LAMA2: variants seen among roughly 807,000 people sequenced by gnomAD.
LAMA2 encodes the protein laminin subunit alpha 2.
A neutral mutation model predicts 364.8 loss-of-function variants in LAMA2; 269 were observed. The ratio of observed to expected loss-of-function variants is 0.74; its 90% CI spans 0.67 to 0.82. The LOEUF (loss-of-function observed/expected upper bound fraction) is 0.82. Ranked by LOEUF, LAMA2 falls within the 40% of genes least tolerant of loss-of-function variation. The pLI is 0.00. For missense variants in LAMA2, 3,807 were observed against 3,873.2 expected, an observed-to-expected ratio of 0.98 and a Z score of 0.45; for synonymous variants, 1,379 against 1,370.6, an observed-to-expected ratio of 1.01 and a Z score of -0.14.
intron 1 of LAMA2, among the ~76,000 whole-genome samples, chr6:128,933,242 G>C (rs933319907): frequency 2.1e-5 from 3 of 144,386 alleles, no homozygotes; most frequent in Admixed American, 6.7e-5. Flanking sequence ...GTGTGTGTGT[G>C]TGTGTGTGTG....
At chr6:129,334,741 G>C (rs1009417351) in intron 29 of LAMA2, among the ~76,000 whole-genome samples, 3 of 152,126 alleles carry the variant, frequency 2.0e-5, no homozygotes, top group Non-Finnish European at 2.9e-5. Flanking sequence ...TCTGGGGAAG[G>C]CTTCTTTCCT....
chr6:129,331,837 A>G (rs1343510840), intron 29 of LAMA2, among the ~76,000 whole-genome samples: 1 of 152,142 alleles, frequency 6.6e-6, no homozygotes, highest in Non-Finnish European at 1.5e-5. Flanking sequence ...ACTGGATTCA[A>G]TGGCTAATCT....
At chr6:129,493,859 ACT>A (rs1785012079) in intron 58 of LAMA2, among the ~76,000 whole-genome samples, 1 of 152,116 alleles carries the variant, frequency 6.6e-6, no homozygotes, top group Non-Finnish European at 1.5e-5. Flanking sequence ...TCTCTGGAAC[ACT>A]CTGCCTTTCC....
chr6:129,055,422 G>C (rs886769058), intron 2 of LAMA2, among the ~76,000 whole-genome samples: 3 of 151,990 alleles, frequency 2.0e-5, no homozygotes, highest in African/African-American at 7.2e-5. Flanking sequence ...TTGAACTCTC[G>C]ACTTCACATG....
At chr6:128,887,986 AAATTATTGTAAAT>A (rs1253062841) in intron 1 of LAMA2, among the ~76,000 whole-genome samples, 8 of 152,226 alleles carry the variant, frequency 5.3e-5, no homozygotes, top group African/African-American at 1.7e-4. Context: ...GATCAGGAAG[AAATTATTGTAAAT>A]AATTATTGTA....
At chr6:129,421,651 A>T (rs1444566218) in intron 40 of LAMA2, among the ~76,000 whole-genome samples, 1 of 152,110 alleles carries the variant, frequency 6.6e-6, no homozygotes, top group Non-Finnish European at 1.5e-5. Context: ...CACCCATAAC[A>T]TGTTAGTGTT....
intron 4 of LAMA2, among the ~76,000 whole-genome samples, chr6:129,133,917 C>A (rs556962389): frequency 6.6e-6 from 1 of 152,066 alleles, no homozygotes; most frequent in Admixed American, 6.5e-5. Context: ...TCTGAAGAAC[C>A]TTTGAGTCAG....
At chr6:129,187,453 A>G (rs1675562206) in intron 10 of LAMA2, among the ~76,000 whole-genome samples, 1 of 151,800 alleles carries the variant, frequency 6.6e-6, no homozygotes, top group South Asian at 2.1e-4. Flanking sequence ...CTCACATTTT[A>G]TAGACATTTT....
chr6:128,936,169 T>G (rs965409093), intron 1 of LAMA2, among the ~76,000 whole-genome samples: 4 of 152,200 alleles, frequency 2.6e-5, no homozygotes, highest in African/African-American at 9.6e-5. Context: ...GTGATTCAAT[T>G]AAAACTTTTT....
rs185578141 is a variant in LAMA2, at chr6:129,248,499, G to T, written c.1783-1613G>T. The stretch of plus-strand genomic sequence containing the variant: ...AATGTATTTTATTTGAGCATATGTG[G>T]TGATTTCATATATTAAGTTGATATT... On this transcript the variant is annotated intron_variant, in intron 12 of 64. Transcript: ENST00000421865. Among the ~76,000 whole-genome samples, 5 of 152,186 alleles carry T rather than the reference G, an allele frequency of 3.3e-5. No homozygotes were observed. The East Asian group carries it at 7.7e-4, about 23-fold the overall frequency.
chr6:129,393,142 G>A lies in LAMA2; in HGVS notation c.5332G>A (p.Asp1778Asn). The A allele has an allele frequency of 6.2e-7, 1 of 1,614,018 alleles. No homozygotes were observed. Among genetic ancestry groups the A allele is most frequent in the South Asian group, 1.1e-5 (1 of 91,066 alleles). ...GAAGGATCTCCGGGAAAAACTGGCT[G>A]ACTACAAAAACAAAGTTGATGATGC... ...MEKDLREKLA[D>N]YKNKVDDAWD... is the part of the protein sequence containing the mutation. The change falls in exon 37 of 65, where the codon GAC becomes AAC. Residue 1778 changes from aspartate (D) to asparagine (N), a missense_variant. Physicochemically the swap from Asp to Asn is conservative, Grantham distance 23. Transcript: ENST00000421865.
In LAMA2 at chr6:129,507,591, G is replaced by T; in HGVS notation, c.8806G>T (p.Ala2936Ser). ...CAGCTTCCATGTTGGGACATGTTTT[G>T]CAAATGCTCAGAGGGGAACATATTT... The part of the protein sequence containing the change: ...TSSFHVGTCF[A>S]NAQRGTYFDG... Residue 2936 changes from alanine (A) to serine (S), a missense_variant, in exon 62 of 65, where the codon GCA becomes TCA. Coordinates refer to ENST00000421865, the MANE Select transcript of LAMA2 (RefSeq NM_000426.4). The T allele has an allele frequency of 6.2e-7, 1 of 1,614,164 alleles. No individual in the cohort carries two copies. Among genetic ancestry groups the T allele is most frequent in the Non-Finnish European group, 8.5e-7 (1 of 1,179,994 alleles).
chr6:129,292,026 T>A (rs1789733712), intron 20 of LAMA2, among the ~76,000 whole-genome samples: 1 of 152,234 alleles, frequency 6.6e-6, no homozygotes, highest in African/African-American at 2.4e-5. Context: ...CTCTTTCCTT[T>A]GCCTTTACAT....
intron 1 of LAMA2, among the ~76,000 whole-genome samples, chr6:129,037,956 A>G (rs1359573753): frequency 6.6e-6 from 1 of 152,224 alleles, no homozygotes; most frequent in East Asian, 1.9e-4. Flanking sequence ...TTAAGCTGAT[A>G]AAACAAGAAA....
chr6:129,133,837 G>A (rs1313702734), intron 4 of LAMA2, among the ~76,000 whole-genome samples: 2 of 151,762 alleles, frequency 1.3e-5, no homozygotes, highest in African/African-American at 2.4e-5. Flanking sequence ...TTGTGTACTC[G>A]TAAAATACAC....
intron 46 of LAMA2, among the ~76,000 whole-genome samples, chr6:129,453,954 T>G (rs560317339): frequency 3.6e-4 from 55 of 150,996 alleles, no homozygotes; most frequent in African/African-American, 1.3e-3. Flanking sequence ...ACTTTTTTTT[T>G]TTTTGCTTTA....
At chr6:129,212,862 C>T (rs1242139877) in intron 12 of LAMA2, among the ~76,000 whole-genome samples, 1 of 152,076 alleles carries the variant, frequency 6.6e-6, no homozygotes, top group Non-Finnish European at 1.5e-5. Context: ...TGCTGGATTC[C>T]AAAATATTCT....
At chr6:129,330,060 C>T (rs1019835862) in intron 29 of LAMA2, among the ~76,000 whole-genome samples, 1 of 151,572 alleles carries the variant, frequency 6.6e-6, no homozygotes, top group African/African-American at 2.4e-5. Context: ...TGATCTGTCA[C>T]TGTCTCCCAT....
intron 51 of LAMA2, among the ~76,000 whole-genome samples, chr6:129,472,689 A>G (rs1324932278): frequency 1.3e-5 from 2 of 152,010 alleles, no homozygotes; most frequent in African/African-American, 2.4e-5. Context: ...CCTGGATCTC[A>G]CCACTTCCTT....
Sources: gnomAD v4.1 joint callset for allele counts (sites outside exome capture counted in the v4.1 genomes callset) on GRCh38, gnomAD v4.1.1 for gene constraint, MANE v1.5 for transcripts, NCBI Gene and HGNC (gene_info 2026-07-23, HGNC 2026-07-21) for gene names.